The following BMP2 variants were observed in gnomAD, a reference collection of about 807,000 sequenced individuals.
BMP2 encodes the protein bone morphogenetic protein 2A.
BMP2 carries 2 observed loss-of-function variants against 28.8 expected under a neutral mutation model. The ratio of observed to expected loss-of-function variants is 0.07; its 90% CI spans 0.03 to 0.22. The LOEUF is 0.22. Among genes scored for constraint, BMP2 ranks in the 10% least tolerant of loss-of-function variants. The probability of loss-of-function intolerance (pLI) is 1.00; values close to 1 mark genes in which losing one functional copy is unlikely to be tolerated. For synonymous variants in BMP2, 218 were observed against 204.3 expected, an observed-to-expected ratio of 1.07 and a Z score of -0.57; for missense variants, 437 against 517.7, an observed-to-expected ratio of 0.84 and a Z score of 1.51.
chr20:6,776,955 A>C (rs1568549281), intron 2 of BMP2, among the ~76,000 whole-genome samples: 1 of 152,226 alleles, frequency 6.6e-6, no homozygotes, highest in African/African-American at 2.4e-5. Context: ...GAACGATGGC[A>C]AAATAGATTT....
intron 2 of BMP2, 119 bp downstream of exon 2, chr20:6,770,591 T>G (rs1482797793): frequency 3.1e-6 from 3 of 977,720 alleles, no homozygotes; most frequent in Non-Finnish European, 4.4e-6. Context: ...ACGTTTCCAC[T>G]CTTGCTTCTG....
In BMP2 at chr20:6,778,787, A is replaced by C. The variant is rs763978335; in HGVS notation, c.889A>C (p.Lys297Gln). 1 of 1,614,218 alleles carries C rather than the reference A, an allele frequency of 6.2e-7. No homozygotes were observed. The highest frequency in any genetic ancestry group is 1.7e-5 in the Admixed American group (1 of 60,030). Residue 297 changes from lysine to glutamine, a missense_variant, in exon 3 of 3, where the codon AAG (lysine) becomes CAG (glutamine). Transcript: ENST00000378827. This position sits in a 1 kb window ranked among gnomAD's most constrained non-coding sequence, Gnocchi z 5.0. ...GCGGAAACGCCTTAAGTCCAGCTGT[A>C]AGAGACACCCTTTGTACGTGGACTT... ...KQRKRLKSSC[K>Q]RHPLYVDFSD...
Position 6,778,233 on chromosome 20 carries a change from C to A in BMP2, c.347-12C>A. On this transcript the variant is annotated splice_polypyrimidine_tract_variant and intron_variant, in intron 2 of 2. Transcript: ENST00000378827. The surrounding 1 kb of genome is among the most constrained non-coding windows in gnomAD (Gnocchi z 5.0). ...TTTCTTTTTTCTTCCCTGTTTTTCT[C>A]TATCAAATTAGAATCTTTGGAAGAA... The A allele has an allele frequency of 6.4e-7, 1 of 1,561,286 alleles. No individual in the cohort carries two copies. Among genetic ancestry groups the A allele is most frequent in the Non-Finnish European group, 8.6e-7 (1 of 1,158,804 alleles).
chr20:6,770,356 C>G lies in BMP2; in HGVS notation c.230C>G (p.Pro77Arg), dbSNP rs151071707. ...PTPSRDAVVP[P>R]YMLDLYRRHS... ...CCCAGCAGGGACGCCGTGGTGCCCC[C>G]CTACATGCTAGACCTGTATCGCAGG... is the stretch of plus-strand genomic sequence containing the variant. Residue 77 changes from proline (P) to arginine (R), a missense_variant, in exon 2 of 3, where the codon CCC (proline) becomes CGC (arginine). Pro to Arg is a moderately radical substitution (Grantham distance 103). Transcript: ENST00000378827. The G allele has an allele frequency of 1.4e-5, 23 of 1,613,326 alleles. No homozygotes were observed. Among genetic ancestry groups the G allele is most frequent in the East Asian group, 6.7e-5 (3 of 44,862 alleles).
chr20:6,768,923 G>A (rs1986325733), intron 1 of BMP2, 48 bp downstream of exon 1: 1 of 396,910 alleles, frequency 2.5e-6, no homozygotes, highest in Non-Finnish European at 4.4e-6. Context: ...GTGGGAGGGG[G>A]ATTTGGGCAG....
chr20:6,773,191 A>G (rs1026454169), intron 2 of BMP2, among the ~76,000 whole-genome samples: 6 of 152,200 alleles, frequency 3.9e-5, no homozygotes, highest in African/African-American at 1.4e-4. Flanking sequence ...TCTTTCCACA[A>G]ATATAATTAT....
At position 6,768,426 on chromosome 20, in the gene BMP2, C is replaced by T. The variant is rs535209432; in HGVS notation, c.-457C>T. The T allele has an allele frequency of 1.3e-5, 5 of 393,588 alleles. No homozygotes were observed. The South Asian group carries it at 7.1e-4, about 56-fold the overall frequency. 24.4% of individuals were successfully genotyped at this position (393,588 alleles called of 1,614,324 possible). On this transcript the variant is annotated 5_prime_UTR_variant, in exon 1 of 3. Coordinates refer to ENST00000378827, the MANE Select transcript of BMP2 (RefSeq NM_001200.4). ...TCGACCCCCGAGTCCCGGAGCCGGC[C>T]CCGCGCGGGGCCACGCGTCCCTCGG... is the stretch of plus-strand genomic sequence containing the variant.
At position 6,770,484 on chromosome 20, in the gene BMP2, A is replaced by G; in HGVS notation, c.346+12A>G. 6.4e-7 allele frequency: 1 copy of G among 1,573,140 alleles called. No homozygotes were observed. Among genetic ancestry groups the G allele is most frequent in the Non-Finnish European group, 8.7e-7 (1 of 1,154,406 alleles). On this transcript the variant is annotated intron_variant, in intron 2 of 2. Transcript: ENST00000378827. Reference sequence around the variant, plus strand: ...CTTCCACCATGAAGGTGAGGCATGGAGCAGGGCGTGGGGGCGGGGAGTCAC... The same window carrying G: ...CTTCCACCATGAAGGTGAGGCATGGGGCAGGGCGTGGGGGCGGGGAGTCAC...
At position 6,768,242 on chromosome 20, in the gene BMP2, A is replaced by G. The variant is rs1441079333; in HGVS notation, c.-641A>G. 2 of 397,788 alleles carry G rather than the reference A, an allele frequency of 5.0e-6. No individual in the cohort carries two copies. The highest frequency in any genetic ancestry group is 8.9e-6 in the Non-Finnish European group (2 of 225,764). 24.6% of individuals were successfully genotyped at this position (397,788 alleles called of 1,614,324 possible). A position where few individuals can be genotyped will look rare whatever the true frequency, so the allele number is the denominator to read the frequency against. Reference sequence around the variant, plus strand: ...AGAGCCGCGGTGCTTTCAACTGGCGAGCGCGAATGGGGGTGCACTGGAGTA... The same window carrying G: ...AGAGCCGCGGTGCTTTCAACTGGCGGGCGCGAATGGGGGTGCACTGGAGTA... On this transcript the variant is annotated 5_prime_UTR_variant, in exon 1 of 3. Coordinates refer to ENST00000378827, the MANE Select transcript of BMP2 (RefSeq NM_001200.4).
chr20:6,779,206 C>A lies in BMP2; in HGVS notation c.*117C>A. 1 of 386,326 alleles carries A rather than the reference C, an allele frequency of 2.6e-6. No homozygotes were observed. The highest frequency in any genetic ancestry group is 3.9e-6 in the Non-Finnish European group (1 of 254,068). The allele number at this position is 386,326 out of a possible 1,614,324, so 23.9% of individuals were successfully genotyped here. A position where few individuals can be genotyped will look rare whatever the true frequency, so the allele number is the denominator to read the frequency against. ...ACACTTTAATATTTCCCAATGAAGA[C>A]TTTATTTATGGAATGGAATGGAAAA... On this transcript the variant is annotated 3_prime_UTR_variant, in exon 3 of 3. Coordinates refer to ENST00000378827, the MANE Select transcript of BMP2 (RefSeq NM_001200.4).
chr20:6,770,923 G>A (rs34805977), intron 2 of BMP2, among the ~76,000 whole-genome samples: 9,255 of 152,308 alleles, frequency 0.061, 361 homozygotes, highest in Admixed American at 0.12. Flanking sequence ...CAAGGGCAGA[G>A]TTTTCAGAGA....
In BMP2 at chr20:6,778,177, C is replaced by T. The variant is rs572961010; in HGVS notation, c.347-68C>T. 168 of 1,519,402 alleles carry T rather than the reference C, an allele frequency of 1.1e-4. No homozygotes were observed. Among genetic ancestry groups the T allele is most frequent in the Non-Finnish European group, 6.3e-5 (72 of 1,138,554 alleles). The allele number at this position is 1,519,402 out of a possible 1,614,324, so 94.1% of individuals were successfully genotyped here. On this transcript the variant is annotated intron_variant, in intron 2 of 2. Transcript: ENST00000378827. The surrounding 1 kb of genome is among the most constrained non-coding windows in gnomAD (Gnocchi z 5.0). ...TTAAAAATTCTCATAGATAATCAAA[C>T]GTCATTACTTGGCTTACTGAAATTC...
At chr20:6,769,889 A>G (rs1986353765) in intron 1 of BMP2, among the ~76,000 whole-genome samples, 1 of 152,064 alleles carries the variant, frequency 6.6e-6, no homozygotes, top group Admixed American at 6.5e-5. Context: ...CTGATGTCAG[A>G]CGAGCTAAGC....
chr20:6,769,610 A>AGG (rs3223511), intron 1 of BMP2, among the ~76,000 whole-genome samples: 572 of 50,700 alleles, frequency 0.011, 3 homozygotes, highest in African/African-American at 0.048. Flanking sequence ...GGAAGCTATA[A>AGG]GGGTGTGTGT....
Position 6,779,084 on chromosome 20 carries a change from C to T in BMP2, c.1186C>T (p.Arg396Cys), listed in dbSNP as rs774442750. 5.9e-6 allele frequency: 9 copies of T among 1,515,744 alleles called. No homozygotes were observed. The highest frequency in any genetic ancestry group is 2.3e-5 in the East Asian group (1 of 43,542). 93.9% of individuals were successfully genotyped at this position (1,515,744 alleles called of 1,614,324 possible). Residue 396 changes from arginine to cysteine, a missense_variant, in exon 3 of 3, where the codon CGC (arginine) becomes TGC (cysteine). Physicochemically the swap from Arg to Cys is radical, Grantham distance 180. Around this residue, in one of 2 missense-constraint regions of BMP2, gnomAD observed 74 missense variants for 124.9 expected, o/e 0.59. Coordinates refer to ENST00000378827, the MANE Select transcript of BMP2 (RefSeq NM_001200.4). ...QDMVVEGCGC[R>C] is the part of the protein sequence containing the mutation. ...CATGGTTGTGGAGGGTTGTGGGTGT[C>T]GCTAGTACAGCAAAATTAAATACAT...
intron 2 of BMP2, among the ~76,000 whole-genome samples, chr20:6,774,925 A>T (rs893904104): frequency 2.0e-5 from 3 of 152,232 alleles, no homozygotes; most frequent in African/African-American, 7.2e-5. Flanking sequence ...AGATTATTAA[A>T]TTAGGACTTC....
Position 6,778,611 on chromosome 20 carries a change from G to T in BMP2, c.713G>T (p.Gly238Val). The T allele has an allele frequency of 6.2e-7, 1 of 1,614,038 alleles. No homozygotes were observed. The highest frequency in any genetic ancestry group is 1.1e-5 in the South Asian group (1 of 91,046). The change falls in exon 3 of 3, where the codon GGT (glycine) becomes GTT (valine). Residue 238 changes from glycine (G) to valine (V), a missense_variant. Around this residue, in one of 2 missense-constraint regions of BMP2, gnomAD observed 363 missense variants for 392.8 expected, o/e 0.92. Transcript: ENST00000378827. This position sits in a 1 kb window ranked among gnomAD's most constrained non-coding sequence, Gnocchi z 5.0. Reference sequence around the variant, plus strand: ...GTGGCCCACTTGGAGGAGAAACAAGGTGTCTCCAAGAGACATGTTAGGATA... The same window carrying T: ...GTGGCCCACTTGGAGGAGAAACAAGTTGTCTCCAAGAGACATGTTAGGATA... ...VEVAHLEEKQ[G>V]VSKRHVRISR...
At position 6,779,645 on chromosome 20, in the gene BMP2, G is replaced by T. The variant is rs910654034; in HGVS notation, c.*556G>T. ...AAAAAAAAAGTGGATAATCCACTCTGCTGACTTTCAAGATTATTATATTAT... is the reference window on the plus strand; with the variant it reads ...AAAAAAAAAGTGGATAATCCACTCTTCTGACTTTCAAGATTATTATATTAT... On this transcript the variant is annotated 3_prime_UTR_variant, in exon 3 of 3. Transcript: ENST00000378827. 1 of 152,618 alleles carries T rather than the reference G, an allele frequency of 6.6e-6. No individual in the cohort carries two copies. Among genetic ancestry groups the T allele is most frequent in the African/African-American group, 2.4e-5 (1 of 41,448 alleles). The allele number at this position is 152,618 out of a possible 1,614,324, so 9.5% of individuals were successfully genotyped here.
intron 2 of BMP2, among the ~76,000 whole-genome samples, chr20:6,771,713 G>A (rs879727252): frequency 8.5e-5 from 13 of 152,302 alleles, no homozygotes; most frequent in Non-Finnish European, 1.3e-4. Context: ...ACATTACGAC[G>A]GGGACACTGA....
Sources: gnomAD v4.1 joint callset for allele counts (sites outside exome capture counted in the v4.1 genomes callset) on GRCh38, gnomAD v4.1.1 for gene constraint, gnomAD v4.1.1 regional missense constraint, Gnocchi (gnomAD v3.1) non-coding constraint, MANE v1.5 for transcripts, NCBI Gene and HGNC (gene_info 2026-07-23, HGNC 2026-07-21) for gene names.